Variants in KLHL5 observed in about 807,000 individuals in gnomAD.
KLHL5 encodes kelch like family member 5.
Under a neutral mutation model 77.7 loss-of-function variants are expected in KLHL5, and 48 were observed. That is an observed-to-expected ratio of 0.62 (90% CI 0.49 to 0.79). The LOEUF (loss-of-function observed/expected upper bound fraction) is 0.79. Among genes scored for constraint, KLHL5 ranks in the 30% least tolerant of loss-of-function variants. The pLI, the probability that KLHL5 is intolerant of heterozygous loss-of-function variation, is 0.00. For missense variants in KLHL5, 723 were observed against 859.7 expected (o/e 0.84, Z 1.99); for synonymous variants, 260 against 297.0 (o/e 0.88, Z 1.28).
At chr4:39,113,954 G>A (rs1722647100) in intron 9 of KLHL5, among the ~76,000 whole-genome samples, 1 of 152,086 alleles carries the variant, frequency 6.6e-6, no homozygotes, top group South Asian at 2.1e-4. Context: ...GTTAATGAGT[G>A]CCCATGTGTG....
chr4:39,099,790 T>C (rs1405449308), intron 6 of KLHL5, among the ~76,000 whole-genome samples: 2 of 152,234 alleles, frequency 1.3e-5, no homozygotes, highest in African/African-American at 2.4e-5. Context: ...GTTTTAGATA[T>C]AGGCCTGATG....
In KLHL5 at chr4:39,124,525, C is replaced by T. The variant is rs546445501; in HGVS notation, c.*3459C>T. Among the ~76,000 whole-genome samples, 1 of 152,146 alleles carries T rather than the reference C, an allele frequency of 6.6e-6. No individual in the cohort carries two copies. The highest frequency in any genetic ancestry group is 2.1e-4 in the South Asian group (1 of 4,818). On this transcript the variant is annotated 3_prime_UTR_variant, in exon 11 of 11. Transcript: ENST00000504108. Reference sequence around the variant, plus strand: ...ACAAATTACGCCAATACACTATGGTCAATTGATTTTTGACAAGGGTTCCAG... The same window carrying T: ...ACAAATTACGCCAATACACTATGGTTAATTGATTTTTGACAAGGGTTCCAG...
At chr4:39,060,523 T>G (rs1389766691), upstream of KLHL5, among the ~76,000 whole-genome samples, 1 of 152,014 alleles carries the variant, frequency 6.6e-6, no homozygotes, top group African/African-American at 2.4e-5. Context: ...AACCAGCTAC[T>G]TAGAGTAACT....
Position 39,115,973 on chromosome 4 carries a change from A to G in KLHL5, c.2073+643A>G, listed in dbSNP as rs1463834724. 5.1e-6 allele frequency: 5 copies of G among 985,656 alleles called. No homozygotes were observed. The African/African-American group carries it at 8.7e-5, about 17-fold the overall frequency. The allele number at this position is 985,656 out of a possible 1,614,324, so 61.1% of individuals were successfully genotyped here. ...GTTCAGTACTTGGTACATAAAAGAC[A>G]ATAAATGTTTAACTGAGCCAAGATT... On this transcript the variant is annotated intron_variant, in intron 10 of 10. Coordinates refer to ENST00000504108, the MANE Select transcript of KLHL5 (RefSeq NM_015990.5).
rs1553892986 is a variant in KLHL5 at position 39,101,859 on chromosome 4, A to AATATAT, written c.1301-1414_1301-1409dup. 2.3e-3 allele frequency among the ~76,000 whole-genome samples: 240 copies of AATATAT among 104,762 alleles called. 9 individuals carry two copies. The East Asian group carries it at 0.063, about 28-fold the overall frequency. The allele number at this position is 104,762 out of a possible 152,430, so 68.7% of individuals were successfully genotyped here. On this transcript the variant is annotated intron_variant, in intron 6 of 10. Coordinates refer to ENST00000504108, the MANE Select transcript of KLHL5 (RefSeq NM_015990.5). ...ACAGTCTGTCTCAAAAAAAAAAAAA[A>AATATAT]ATATATATATATATATATACACACA... is the stretch of plus-strand genomic sequence containing the variant.
chr4:39,106,044 C>G (rs994519878), intron 7 of KLHL5, among the ~76,000 whole-genome samples: 1 of 152,126 alleles, frequency 6.6e-6, no homozygotes, highest in Non-Finnish European at 1.5e-5. Flanking sequence ...CCATCTCATT[C>G]AGAATAAGAT....
intron 7 of KLHL5, among the ~76,000 whole-genome samples, chr4:39,105,864 G>A (rs1204435516): frequency 6.6e-6 from 1 of 151,908 alleles, no homozygotes. Flanking sequence ...TGAATGATGA[G>A]TATTTTTCTT....
intron 10 of KLHL5, 136 bp downstream of exon 10, chr4:39,115,466 T>A: frequency 1.3e-6 from 2 of 1,523,064 alleles, no homozygotes; most frequent in Non-Finnish European, 1.8e-6. Flanking sequence ...TGATTAGCGA[T>A]GAGAAAAAGA....
chr4:39,110,701 T>C (rs6833654), intron 8 of KLHL5, among the ~76,000 whole-genome samples: 80,147 of 151,908 alleles, frequency 0.53, 21,701 homozygotes, highest in Non-Finnish European at 0.59. Flanking sequence ...TACCTGGGCC[T>C]AAGTAATTCT....
intron 8 of KLHL5, among the ~76,000 whole-genome samples, chr4:39,111,527 C>T (rs987659770): frequency 6.6e-6 from 1 of 152,152 alleles, no homozygotes. Flanking sequence ...TGTGCACACA[C>T]ATATGCATGT....
At chr4:39,141,632 G>T in the KLHL5 span, among the ~76,000 whole-genome samples, 10 of 151,954 alleles carry the variant, frequency 6.6e-5, no homozygotes, top group African/African-American at 2.4e-4. Context: ...CTTGAGACAG[G>T]GTTGAAGGTG....
chr4:39,138,209 C>G, the KLHL5 span, among the ~76,000 whole-genome samples: 1 of 152,088 alleles, frequency 6.6e-6, no homozygotes, highest in African/African-American at 2.4e-5. Context: ...CCTCAAAGAC[C>G]TAAAAACAGA....
chr4:39,129,561 A>G (rs1411834985), downstream of KLHL5, among the ~76,000 whole-genome samples: 16 of 152,148 alleles, frequency 1.1e-4, no homozygotes, highest in Admixed American at 1.0e-3. This position sits in a 1 kb window ranked among gnomAD's most constrained non-coding sequence, Gnocchi z 4.2. Flanking sequence ...TTACATAGGT[A>G]TATTGTGTGA....
chr4:39,087,520 C>A (rs1175860784), intron 5 of KLHL5, among the ~76,000 whole-genome samples: 1 of 137,492 alleles, frequency 7.3e-6, no homozygotes, highest in East Asian at 1.9e-4. Flanking sequence ...TCTTCCCTGA[C>A]TACCTCACAG....
chr4:39,130,170 G>A (rs529436068), downstream of KLHL5, among the ~76,000 whole-genome samples: 9 of 152,240 alleles, frequency 5.9e-5, no homozygotes, highest in East Asian at 3.9e-4. Flanking sequence ...AGAGAGCCCC[G>A]AACAGAGATT....
At chr4:39,070,488 A>G (rs1366701811) in intron 1 of KLHL5, among the ~76,000 whole-genome samples, 6 of 152,170 alleles carry the variant, frequency 3.9e-5, no homozygotes, top group Non-Finnish European at 8.8e-5. Context: ...TAAACCCTGT[A>G]GCTAGATCTC....
Position 39,124,369 on chromosome 4 carries a change from T to C in KLHL5, c.*3303T>C, listed in dbSNP as rs991793107. The stretch of plus-strand genomic sequence containing the variant: ...GTACTCAAGTCTGTTCAAAACAATC[T>C]TGAACAAGAATAAAGTTGAAGGACT... On this transcript the variant is annotated 3_prime_UTR_variant, in exon 11 of 11. Coordinates refer to ENST00000504108, the MANE Select transcript of KLHL5 (RefSeq NM_015990.5). Among the ~76,000 whole-genome samples the C allele has an allele frequency of 2.6e-5, 4 of 152,140 alleles. No homozygotes were observed. Among genetic ancestry groups the C allele is most frequent in the Admixed American group, 2.6e-4 (4 of 15,270 alleles).
In KLHL5 at chr4:39,086,722, C is replaced by T. The variant is rs1720073876; in HGVS notation, c.1108C>T (p.Pro370Ser). ...TTATATTAGGCTACCTCTTCTTGCA[C>T]CACAGGTAATTAATAGGCACTTGTT... ...LAYIRLPLLA[P>S]QFLADMENNV... Residue 370 changes from proline (P) to serine (S), a missense_variant, in exon 5 of 11, where the codon CCA (proline) becomes TCA (serine). Coordinates refer to ENST00000504108, the MANE Select transcript of KLHL5 (RefSeq NM_015990.5). 1 of 1,610,094 alleles carries T rather than the reference C, an allele frequency of 6.2e-7. No individual in the cohort carries two copies. Among genetic ancestry groups the T allele is most frequent in the Non-Finnish European group, 8.5e-7 (1 of 1,176,688 alleles).
chr4:39,122,093 T>C lies in KLHL5; in HGVS notation c.*1027T>C, dbSNP rs541400536. On this transcript the variant is annotated 3_prime_UTR_variant, in exon 11 of 11. Coordinates refer to ENST00000504108, the MANE Select transcript of KLHL5 (RefSeq NM_015990.5). ...AAAGTGTTTGTTACCCTAAGTTTTT[T>C]ACATTTTTAAACTCTAATTACATAT... 1 of 152,776 alleles carries C rather than the reference T, an allele frequency of 6.5e-6. No individual in the cohort carries two copies. The highest frequency in any genetic ancestry group is 2.1e-4 in the South Asian group (1 of 4,832). 9.5% of individuals were successfully genotyped at this position (152,776 alleles called of 1,614,324 possible).
Sources: allele counts gnomAD v4.1 joint callset (sites outside exome capture counted in the v4.1 genomes callset), GRCh38; gene constraint gnomAD v4.1.1; non-coding constraint Gnocchi (gnomAD v3.1); transcripts MANE v1.5; gene names NCBI Gene and HGNC (gene_info 2026-07-23, HGNC 2026-07-21).